The following ARL13B variants were observed in gnomAD, a reference collection of about 807,000 sequenced individuals.
ARL13B encodes the protein ADP-ribosylation factor-like protein 13B.
ARL13B carries 36 observed loss-of-function variants against 56.1 expected under a neutral mutation model. The observed-to-expected ratio is 0.64, with a 90% CI of 0.49 to 0.85. The LOEUF (loss-of-function observed/expected upper bound fraction) is 0.85. Among genes scored for constraint, ARL13B ranks in the 40% least tolerant of loss-of-function variants. ARL13B has a pLI of 0.00. For missense variants in ARL13B, 519 were observed against 507.1 expected, an observed-to-expected ratio of 1.02 and a Z score of -0.23; for synonymous variants, 178 against 171.1, an observed-to-expected ratio of 1.04 and a Z score of -0.32.
chr3:93,986,988 G>A (rs886305469), intron 1 of ARL13B, among the ~76,000 whole-genome samples: 11 of 152,032 alleles, frequency 7.2e-5, no homozygotes, highest in South Asian at 4.2e-4. Context: ...AAAAGGAATA[G>A]CTTTTATCTA....
intron 6 of ARL13B, among the ~76,000 whole-genome samples, chr3:94,041,652 ACT>A (rs1204294192): frequency 6.6e-6 from 1 of 152,306 alleles, no homozygotes; most frequent in Admixed American, 6.5e-5. Context: ...GTCTTATGTG[ACT>A]CTGTGACTAG....
rs1559997588 is a variant in ARL13B at position 94,029,325 on chromosome 3, TATA to T, written c.381-6005_381-6003del. On this transcript the variant is annotated intron_variant, in intron 3 of 9. Transcript: ENST00000394222. ...TCATATATATATATATATATATATATATATATATATTTATTTTTTTTTTATTTT... is the reference window on the plus strand; with the variant it reads ...TCATATATATATATATATATATATATTATATATTTATTTTTTTTTTATTTT... Among the ~76,000 whole-genome samples, 65 of 101,990 alleles carry T rather than the reference TATA, an allele frequency of 6.4e-4. 1 individual carries two copies. The highest frequency in any genetic ancestry group is 2.9e-3 in the African/African-American group (61 of 20,788). The allele number at this position is 101,990 out of a possible 152,430, so 66.9% of individuals were successfully genotyped here.
chr3:93,986,047 A>G (rs1017417245), intron 1 of ARL13B, among the ~76,000 whole-genome samples: 18 of 152,158 alleles, frequency 1.2e-4, no homozygotes, highest in African/African-American at 4.3e-4. Flanking sequence ...TAATTTTCCA[A>G]TTAAGCTGTA....
At chr3:94,031,915 A>G (rs1294341259) in intron 3 of ARL13B, among the ~76,000 whole-genome samples, 1 of 152,204 alleles carries the variant, frequency 6.6e-6, no homozygotes, top group Non-Finnish European at 1.5e-5. Flanking sequence ...CTCACCATAT[A>G]CAAAAATTAA....
chr3:94,029,758 C>T (rs1210611169), intron 3 of ARL13B, among the ~76,000 whole-genome samples: 1 of 152,014 alleles, frequency 6.6e-6, no homozygotes, highest in Non-Finnish European at 1.5e-5. Context: ...AAAAACAAAA[C>T]ACTGGAAACA....
intron 3 of ARL13B, chr3:94,014,495 C>G (rs1210521298): frequency 6.2e-7 from 1 of 1,611,328 alleles, no homozygotes. Flanking sequence ...TTAACATACT[C>G]TTTTGTACTA....
At chr3:94,014,284 G>C in intron 3 of ARL13B, 1 of 963,480 alleles carries the variant, frequency 1.0e-6, no homozygotes, top group Non-Finnish European at 1.4e-6. Context: ...AGTGATGAAA[G>C]GTATGTGAGT....
chr3:93,998,294 A>T (rs528940053), intron 2 of ARL13B, among the ~76,000 whole-genome samples: 5 of 152,132 alleles, frequency 3.3e-5, no homozygotes, highest in African/African-American at 1.2e-4. Context: ...CTAATTTGTT[A>T]TGTATACTGG....
At chr3:93,983,742 C>T (rs1710323725) in intron 1 of ARL13B, among the ~76,000 whole-genome samples, 1 of 151,928 alleles carries the variant, frequency 6.6e-6, no homozygotes, top group African/African-American at 2.4e-5. Flanking sequence ...CCATTGATTA[C>T]TGTTGTGTTT....
intron 3 of ARL13B, among the ~76,000 whole-genome samples, chr3:94,010,706 G>T (rs1381115007): frequency 6.6e-6 from 1 of 151,946 alleles, no homozygotes; most frequent in Non-Finnish European, 1.5e-5. Flanking sequence ...AGAGAACAAT[G>T]AAAACGGTTT....
chr3:93,997,556 A>G (rs753937119), intron 2 of ARL13B, among the ~76,000 whole-genome samples: 67 of 152,340 alleles, frequency 4.4e-4, no homozygotes, highest in Non-Finnish European at 9.0e-4. Context: ...GACACTCACT[A>G]TCATTATTTA....
At chr3:93,992,877 T>C (rs1327486025) in intron 1 of ARL13B, among the ~76,000 whole-genome samples, 1 of 151,952 alleles carries the variant, frequency 6.6e-6, no homozygotes, top group Admixed American at 6.6e-5. Flanking sequence ...CACTACAACC[T>C]CTACCTCCCA....
intron 3 of ARL13B, among the ~76,000 whole-genome samples, chr3:94,016,831 G>A (rs1381189957): frequency 6.6e-6 from 1 of 151,980 alleles, no homozygotes; most frequent in Non-Finnish European, 1.5e-5. Context: ...ATTTTTGGTA[G>A]AGACAGGGTT....
chr3:94,021,630 T>A (rs1559991357), intron 3 of ARL13B, among the ~76,000 whole-genome samples: 1 of 152,338 alleles, frequency 6.6e-6, no homozygotes, highest in Non-Finnish European at 1.5e-5. Context: ...TGTTTTATTA[T>A]ATACATCTGA....
chr3:94,015,351 C>T (rs754555252), intron 3 of ARL13B: 63 of 1,224,620 alleles, frequency 5.1e-5, no homozygotes, highest in Non-Finnish European at 6.7e-5. Context: ...CAGTTGACTT[C>T]ACATAACTGT....
intron 7 of ARL13B, 32 bp downstream of exon 7, chr3:94,043,272 T>G: frequency 1.3e-6 from 2 of 1,541,888 alleles, no homozygotes; most frequent in Non-Finnish European, 1.8e-6. Context: ...AGTAATTATC[T>G]TATGTATATA....
In ARL13B at chr3:94,043,031, A is replaced by C. The variant is rs1278903625; in HGVS notation, c.815A>C (p.Glu272Ala). 1 of 1,609,500 alleles carries C rather than the reference A, an allele frequency of 6.2e-7. No homozygotes were observed. The change falls in exon 7 of 10, where the codon GAA (glutamate) becomes GCA (alanine). Residue 272 changes from glutamate to alanine, a missense_variant. Coordinates refer to ENST00000394222, the MANE Select transcript of ARL13B (RefSeq NM_001174150.2). ...SVIIENEGKL[E>A]REKKNQKMEK... ...TTTTGTTAGAATGAAGGAAAACTTG[A>C]AAGAGAGAAAAAAAACCAAAAAATG...
intron 3 of ARL13B, among the ~76,000 whole-genome samples, chr3:94,026,617 A>G (rs1576007725): frequency 6.6e-6 from 1 of 152,346 alleles, no homozygotes; most frequent in Non-Finnish European, 1.5e-5. Context: ...TAAAACATGC[A>G]AGGACAGGAT....
At position 94,053,792 on chromosome 3, in the gene ARL13B, T is replaced by C. The variant is rs566752897; in HGVS notation, c.*529T>C. 9 of 293,856 alleles carry C rather than the reference T, an allele frequency of 3.1e-5. No individual in the cohort carries two copies. Among genetic ancestry groups the C allele is most frequent in the South Asian group, 2.3e-4 (7 of 30,710 alleles). 18.2% of individuals were successfully genotyped at this position (293,856 alleles called of 1,614,324 possible). A position where few individuals can be genotyped will look rare whatever the true frequency, so the allele number is the denominator to read the frequency against. On this transcript the variant is annotated 3_prime_UTR_variant, in exon 10 of 10. Transcript: ENST00000394222. Reference sequence around the variant, plus strand: ...TTTTATAGATGATTTGTTTAAATTATATCTGGAAAATAGAGTTGATTTACT... The same window carrying C: ...TTTTATAGATGATTTGTTTAAATTACATCTGGAAAATAGAGTTGATTTACT...
Sources: allele counts gnomAD v4.1 joint callset (sites outside exome capture counted in the v4.1 genomes callset), GRCh38; gene constraint gnomAD v4.1.1; transcripts MANE v1.5; gene names NCBI Gene and HGNC (gene_info 2026-07-23, HGNC 2026-07-21).